The following CPS1 variants were observed in gnomAD, a reference collection of about 807,000 sequenced individuals.
CPS1 encodes carbamoyl-phosphate synthase [ammonia], mitochondrial.
CPS1 carries 109 observed loss-of-function variants against 174.6 expected under a neutral mutation model. That is an observed-to-expected ratio of 0.62 (90% CI 0.53 to 0.73). The LOEUF is 0.73. Among genes scored for constraint, CPS1 ranks in the 30% least tolerant of loss-of-function variants. CPS1 has a pLI of 0.00. For missense variants in CPS1, 1,689 were observed against 1,821.9 expected (o/e 0.93, Z 1.33); for synonymous variants, 637 against 632.0 (o/e 1.01, Z -0.12).
At chr2:210,634,714 A>G (rs1699987835) in intron 21 of CPS1, among the ~76,000 whole-genome samples, 1 of 152,184 alleles carries the variant, frequency 6.6e-6, no homozygotes, top group African/African-American at 2.4e-5. Context: ...CCTAAATGTA[A>G]GAGTACAATA....
intron 1 of CPS1, among the ~76,000 whole-genome samples, chr2:210,571,748 TTTC>T (rs1697497459): frequency 6.6e-6 from 1 of 151,966 alleles, no homozygotes; most frequent in Non-Finnish European, 1.5e-5. Flanking sequence ...AATAACGGGC[TTTC>T]TTCATTTTAA....
chr2:210,506,965 C>G (rs913165056), intron 1 of CPS1, among the ~76,000 whole-genome samples: 7 of 152,164 alleles, frequency 4.6e-5, no homozygotes, highest in African/African-American at 1.7e-4. Flanking sequence ...AGGATATTAT[C>G]CAGGAGAACT....
At chr2:210,490,020 G>C (rs112638838) in intron 1 of CPS1, among the ~76,000 whole-genome samples, 3,193 of 143,420 alleles carry the variant, frequency 0.022, 126 homozygotes, top group African/African-American at 0.077. Flanking sequence ...AAAAAAGGAA[G>C]GAAGGAAAGC....
intron 1 of CPS1, among the ~76,000 whole-genome samples, chr2:210,548,593 G>A (rs370398223): frequency 1.2e-4 from 18 of 151,960 alleles, no homozygotes; most frequent in African/African-American, 4.3e-4. Context: ...TTGACTAATT[G>A]TTAGTAGTTT....
At chr2:210,584,438 G>A (rs1477138315) in intron 6 of CPS1, among the ~76,000 whole-genome samples, 2 of 152,096 alleles carry the variant, frequency 1.3e-5, no homozygotes, top group Admixed American at 1.3e-4. Context: ...GGAAGGAGTA[G>A]AAAATGTACA....
In CPS1 at chr2:210,537,776, C is replaced by T. The variant is rs1036715702; in HGVS notation, c.4-18943C>T. 5.3e-5 allele frequency among the ~76,000 whole-genome samples: 8 copies of T among 152,110 alleles called. 1 individual carries two copies. Among genetic ancestry groups the T allele is most frequent in the South Asian group, 4.1e-4 (2 of 4,826 alleles). On this transcript the variant is annotated intron_variant, in intron 1 of 38. Coordinates refer to the CPS1 transcript ENST00000430249. ...TGCATTTGTGCTTAGTCTGGCCTTG[C>T]GCAGAGGCTCGAGTAATTTGTTATC...
intron 1 of CPS1, among the ~76,000 whole-genome samples, chr2:210,499,938 C>G (rs1174434634): frequency 6.6e-6 from 1 of 152,094 alleles, no homozygotes; most frequent in African/African-American, 2.4e-5. Context: ...ATTCCCAAGA[C>G]TGGATAATTT....
intron 21 of CPS1, chr2:210,618,633 A>G (rs530330009): frequency 2.6e-5 from 4 of 152,220 alleles, no homozygotes; most frequent in African/African-American, 4.8e-5. Context: ...CACTAAAGCT[A>G]CCTGTCTCCA....
At chr2:210,607,315 A>T (rs773996305) in intron 18 of CPS1, among the ~76,000 whole-genome samples, 1 of 151,960 alleles carries the variant, frequency 6.6e-6, no homozygotes, top group Non-Finnish European at 1.5e-5. Context: ...AATAGTTGAC[A>T]GAAAATATAG....
chr2:210,679,085 A>C lies in CPS1; in HGVS notation c.*1100A>C, dbSNP rs559545315. On this transcript the variant is annotated 3_prime_UTR_variant, in exon 38 of 38. Transcript: ENST00000233072. ...CAAGTGCTCTAATTGTGAACTTTTA[A>C]ATAAAATACTATTAAGAGGTAATGC... 1 of 152,324 alleles carries C rather than the reference A, an allele frequency of 6.6e-6. No homozygotes were observed. The highest frequency in any genetic ancestry group is 2.1e-4 in the South Asian group (1 of 4,830). The allele number at this position is 152,324 out of a possible 1,614,324, so 9.4% of individuals were successfully genotyped here. A position where few individuals can be genotyped will look rare whatever the true frequency, so the allele number is the denominator to read the frequency against.
intron 1 of CPS1, among the ~76,000 whole-genome samples, chr2:210,494,035 C>T (rs139592470): frequency 0.011 from 1,664 of 152,222 alleles, 21 homozygotes; most frequent in African/African-American, 0.036. Context: ...CAGAATTAAA[C>T]CTAATCTAAA....
At chr2:210,556,993 CTG>C in intron 1 of CPS1, 134 bp downstream of exon 1, 1 of 1,041,228 alleles carries the variant, frequency 9.6e-7, no homozygotes, top group Non-Finnish European at 1.5e-6. Context: ...GTTTCCTTTA[CTG>C]TGGAACCTAC....
At chr2:210,640,852 A>T (rs889276203) in intron 24 of CPS1, among the ~76,000 whole-genome samples, 2 of 152,224 alleles carry the variant, frequency 1.3e-5, no homozygotes, top group Non-Finnish European at 1.5e-5. Flanking sequence ...CAAAAATGTT[A>T]TATCTTTACC....
chr2:210,629,746 T>G (rs1057167821), intron 21 of CPS1, among the ~76,000 whole-genome samples: 19 of 151,384 alleles, frequency 1.3e-4, no homozygotes, highest in African/African-American at 4.4e-4. Flanking sequence ...AGAGAGTCAT[T>G]GCATCTTAAA....
At chr2:210,534,766 C>T (rs897134745) in intron 1 of CPS1, among the ~76,000 whole-genome samples, 67 of 152,282 alleles carry the variant, frequency 4.4e-4, no homozygotes, top group African/African-American at 1.6e-3. Flanking sequence ...TTAATTTAGT[C>T]ACATACAGTT....
At chr2:210,524,602 T>A (rs896407829) in intron 1 of CPS1, among the ~76,000 whole-genome samples, 1 of 152,004 alleles carries the variant, frequency 6.6e-6, no homozygotes, top group African/African-American at 2.4e-5. Flanking sequence ...CCTTATTTGA[T>A]TGGAGTCTTA....
intron 32 of CPS1, among the ~76,000 whole-genome samples, chr2:210,661,014 C>G (rs1158113996): frequency 6.6e-6 from 1 of 152,186 alleles, no homozygotes; most frequent in Non-Finnish European, 1.5e-5. Context: ...TCTTACATGA[C>G]TTTTGTAAAA....
chr2:210,624,870 A>G (rs1001385846), intron 21 of CPS1, among the ~76,000 whole-genome samples: 2 of 152,034 alleles, frequency 1.3e-5, no homozygotes, highest in African/African-American at 4.8e-5. Flanking sequence ...TATATTAATT[A>G]TTGTATGTTT....
At chr2:210,576,522 C>T (rs772199178) in intron 3 of CPS1, 32 bp downstream of exon 3, 11 of 1,612,280 alleles carry the variant, frequency 6.8e-6, no homozygotes, top group South Asian at 1.1e-5. Flanking sequence ...TAAAAAGTCT[C>T]AATTTGAGGG....
Sources: allele counts gnomAD v4.1 joint callset (sites outside exome capture counted in the v4.1 genomes callset), GRCh38; gene constraint gnomAD v4.1.1; transcripts MANE v1.5; gene names NCBI Gene and HGNC (gene_info 2026-07-23, HGNC 2026-07-21).